The following NELFA variants were observed in gnomAD, a reference collection of about 807,000 sequenced individuals.
The protein encoded by NELFA is negative elongation factor A.
Under a neutral mutation model 51.8 loss-of-function variants are expected in NELFA, and 35 were observed. The observed-to-expected ratio is 0.68, with a 90% CI of 0.52 to 0.90. The LOEUF (loss-of-function observed/expected upper bound fraction) is 0.90, where lower values mean the gene tolerates loss of function less well. Among genes scored for constraint, NELFA ranks in the 40% least tolerant of loss-of-function variants. NELFA has a pLI of 0.00. For synonymous variants in NELFA, 417 were observed against 338.4 expected (o/e 1.23, Z -2.55); for missense variants, 658 against 746.4 (o/e 0.88, Z 1.38).
At chr4:2,007,161 G>A (rs1206382715) in intron 1 of NELFA, 2 of 427,532 alleles carry the variant, frequency 4.7e-6, no homozygotes, top group Non-Finnish European at 9.6e-6. Context: ...GAGTCACGAT[G>A]GTGCCACTGC....
At chr4:1,984,519 C>G (rs1328243867) in intron 8 of NELFA, among the ~76,000 whole-genome samples, 1 of 152,246 alleles carries the variant, frequency 6.6e-6, no homozygotes, top group Non-Finnish European at 1.5e-5. Context: ...GCAACAAGAG[C>G]TGGGTCACCT....
chr4:1,987,908 G>T lies in NELFA; in HGVS notation c.634+10C>A. 1 of 1,598,108 alleles carries T rather than the reference G, an allele frequency of 6.3e-7. No homozygotes were observed. Among genetic ancestry groups the T allele is most frequent in the Non-Finnish European group, 8.5e-7 (1 of 1,173,666 alleles). On this transcript the variant is annotated intron_variant, in intron 4 of 10. Coordinates refer to ENST00000382882, the MANE Select transcript of NELFA (RefSeq NM_005663.5). The stretch of plus-strand genomic sequence containing the variant: ...AAGCAAGGCTCACGGCACCAGGGTG[G>T]GGGCCTTACTGGTGGTGTCCATCTT...
Position 1,983,878 on chromosome 4 carries a change from C to T in NELFA, c.1272G>A (p.Gln424=), listed in dbSNP as rs372981689. 4.4e-6 allele frequency: 7 copies of T among 1,586,846 alleles called. No individual in the cohort carries two copies. Among genetic ancestry groups the T allele is most frequent in the Non-Finnish European group, 4.3e-6 (5 of 1,166,496 alleles). ...GGGACAGGTTCTTCTTAGGCTGCTG[C>T]TGAGCAGGGGCCTGGGTCTGCGGGG... ...MVAPQTQAPA[Q]QQPKKNLSLT... is the part of the protein sequence containing the mutation. Residue 424 remains glutamine (Q), a synonymous_variant, in exon 9 of 11, where the codon CAG becomes CAA. Coordinates refer to ENST00000382882, the MANE Select transcript of NELFA (RefSeq NM_005663.5).
At position 1,982,766 on chromosome 4, in the gene NELFA, A is replaced by C. The variant is rs1045555107; in HGVS notation, c.*553T>G. On this transcript the variant is annotated 3_prime_UTR_variant, in exon 11 of 11. Coordinates refer to ENST00000382882, the MANE Select transcript of NELFA (RefSeq NM_005663.5). ...ACTTTAATGGTTCAGATAGTTTTAC[A>C]ATGAAAATAGGTACCCAAAGACTGT... 1 of 151,798 alleles carries C rather than the reference A, an allele frequency of 6.6e-6. No homozygotes were observed. The highest frequency in any genetic ancestry group is 2.4e-5 in the African/African-American group (1 of 41,446). 9.4% of individuals were successfully genotyped at this position (151,798 alleles called of 1,614,324 possible). A position where few individuals can be genotyped will look rare whatever the true frequency, so the allele number is the denominator to read the frequency against.
rs201787913 is a variant in NELFA at position 1,983,681 on chromosome 4, G to A, written c.1317C>T (p.Phe439=). The A allele has an allele frequency of 1.0e-4, 169 of 1,613,994 alleles. No homozygotes were observed. Among genetic ancestry groups the A allele is most frequent in the South Asian group, 1.5e-4 (14 of 91,064 alleles). ...CCGTCTTGAACATCTCCTGGGCAGCGAACATCTGCTCTCTCTACAGCGGGG... is the reference window on the plus strand; with the variant it reads ...CCGTCTTGAACATCTCCTGGGCAGCAAACATCTGCTCTCTCTACAGCGGGG... The part of the protein sequence containing the change: ...KNLSLTREQM[F]AAQEMFKTAN... Residue 439 remains phenylalanine (F), a synonymous_variant, in exon 10 of 11, where the codon TTC becomes TTT. Coordinates refer to ENST00000382882, the MANE Select transcript of NELFA (RefSeq NM_005663.5).
Position 1,986,266 on chromosome 4 carries a change from G to T in NELFA, c.765+6C>A. The T allele has an allele frequency of 6.3e-7, 1 of 1,576,262 alleles. No homozygotes were observed. The highest frequency in any genetic ancestry group is 8.6e-7 in the Non-Finnish European group (1 of 1,160,916). ...GGGTGCCACAGGAGCTGGGGGACGG[G>T]CCTACCTTCACACCTCGTTCCTTCC... On this transcript the variant is annotated splice_donor_region_variant and intron_variant, in intron 5 of 10. Coordinates refer to ENST00000382882, the MANE Select transcript of NELFA (RefSeq NM_005663.5).
chr4:1,985,501 C>A (rs572726082), intron 7 of NELFA, among the ~76,000 whole-genome samples: 8 of 152,120 alleles, frequency 5.3e-5, no homozygotes, highest in Non-Finnish European at 1.0e-4. Flanking sequence ...CCCTGCCTGA[C>A]GGGACACTGA....
At chr4:1,994,302 C>T (rs1157828759) in intron 1 of NELFA, among the ~76,000 whole-genome samples, 4 of 152,074 alleles carry the variant, frequency 2.6e-5, no homozygotes, top group African/African-American at 7.2e-5. Context: ...CGGTGGCTCA[C>T]GTCTGTAATC....
At position 1,985,295 on chromosome 4, in the gene NELFA, C is replaced by G. The variant is rs554080281; in HGVS notation, c.925-376G>C. Among the ~76,000 whole-genome samples the G allele has an allele frequency of 4.0e-4, 61 of 152,328 alleles. No individual in the cohort carries two copies. The South Asian group carries it at 6.4e-3, about 16-fold the overall frequency. The stretch of plus-strand genomic sequence containing the variant: ...AGGAGCTTATTATCCTGAAGTGACC[C>G]CACAGTGTGGCCTCCTCCAGGCCCT... On this transcript the variant is annotated intron_variant, in intron 7 of 10. Transcript: ENST00000382882.
At chr4:1,995,255 A>G (rs1305401162) in intron 1 of NELFA, among the ~76,000 whole-genome samples, 2 of 152,224 alleles carry the variant, frequency 1.3e-5, no homozygotes, top group Non-Finnish European at 1.5e-5. Flanking sequence ...CAGGGCTTAC[A>G]TCACTGGCTC....
chr4:1,992,604 A>G, intron 1 of NELFA: 1 of 218,450 alleles, frequency 4.6e-6, no homozygotes, highest in South Asian at 4.1e-5. Flanking sequence ...CGGGGCTGAA[A>G]CCCCAGCCCC....
Position 1,989,665 on chromosome 4 carries a change from G to C in NELFA, c.544+43C>G. On this transcript the variant is annotated intron_variant, in intron 3 of 10. Coordinates refer to ENST00000382882, the MANE Select transcript of NELFA (RefSeq NM_005663.5). The surrounding 1 kb of genome is among the most constrained non-coding windows in gnomAD (Gnocchi z 4.8). ...TTAGAACCTAAGAAACCTATGACTGGAAACTACAAAGACAATGCCCGATGG... is the reference window on the plus strand; with the variant it reads ...TTAGAACCTAAGAAACCTATGACTGCAAACTACAAAGACAATGCCCGATGG... The C allele has an allele frequency of 1.3e-6, 2 of 1,586,698 alleles. No individual in the cohort carries two copies. The highest frequency in any genetic ancestry group is 2.3e-5 in the South Asian group (2 of 87,224).
intron 1 of NELFA, among the ~76,000 whole-genome samples, chr4:2,005,274 A>T (rs1484860802): frequency 1.3e-5 from 2 of 152,200 alleles, no homozygotes; most frequent in Non-Finnish European, 2.9e-5. Flanking sequence ...GAGGTAAGAC[A>T]ATGAGCTGGA....
At chr4:2,006,489 G>A (rs1728713123) in intron 1 of NELFA, among the ~76,000 whole-genome samples, 1 of 152,094 alleles carries the variant, frequency 6.6e-6, no homozygotes. Flanking sequence ...CAGGAAAAGG[G>A]CTGGGCGCAC....
chr4:1,995,340 T>C (rs971146392), intron 1 of NELFA, among the ~76,000 whole-genome samples: 2 of 152,206 alleles, frequency 1.3e-5, no homozygotes, highest in Non-Finnish European at 2.9e-5. Flanking sequence ...ACTGATACAC[T>C]GTGGAACACA....
At chr4:1,988,706 C>T (rs912133493) in intron 3 of NELFA, among the ~76,000 whole-genome samples, 3 of 152,208 alleles carry the variant, frequency 2.0e-5, no homozygotes, top group Admixed American at 6.5e-5. Flanking sequence ...CAAAATAAAA[C>T]GATGTTATTG....
chr4:1,995,677 G>C lies in NELFA; in HGVS notation c.211-3962C>G, dbSNP rs537899790. 3.6e-4 allele frequency among the ~76,000 whole-genome samples: 55 copies of C among 152,260 alleles called. 2 individuals are homozygous for C. The South Asian group carries it at 0.011, about 29-fold the overall frequency. ...TTTATATTAATGTTAGATGGAAGCA[G>C]ATTTTAAGAACAAAACATTACTAAA... On this transcript the variant is annotated intron_variant, in intron 1 of 10. Transcript: ENST00000382882.
chr4:2,000,330 C>G (rs536280247), intron 1 of NELFA, among the ~76,000 whole-genome samples: 2 of 151,764 alleles, frequency 1.3e-5, no homozygotes, highest in African/African-American at 2.4e-5. Flanking sequence ...ACCCTCCCCC[C>G]CAAAAAATAT....
chr4:1,987,009 G>C (rs1022462264), intron 4 of NELFA, among the ~76,000 whole-genome samples: 2 of 152,148 alleles, frequency 1.3e-5, no homozygotes, highest in Non-Finnish European at 2.9e-5. Context: ...GGAAAGACAA[G>C]GGTCTGCTCC....
Sources: allele counts gnomAD v4.1 joint callset (sites outside exome capture counted in the v4.1 genomes callset), GRCh38; gene constraint gnomAD v4.1.1; non-coding constraint Gnocchi (gnomAD v3.1); transcripts MANE v1.5; gene names NCBI Gene and HGNC (gene_info 2026-07-23, HGNC 2026-07-21).